The following NRDC variants were observed in gnomAD, a reference collection of about 807,000 sequenced individuals.
NRDC encodes nardilysin convertase, also known as nardilysin.
In NRDC, 54 loss-of-function variants were observed where a neutral mutation model predicts 147.1. The observed-to-expected ratio is 0.37, with a 90% CI of 0.29 to 0.46. The LOEUF is 0.46. NRDC is among the 20% of genes least tolerant of loss of function. NRDC has a pLI of 1.00. For missense variants in NRDC, 1,082 were observed against 1,370.6 expected (o/e 0.79, Z 3.33); for synonymous variants, 440 against 482.1 (o/e 0.91, Z 1.14).
At chr1:51,828,002 G>A in intron 4 of NRDC, 133 bp from the exon 5 acceptor site, 1 of 668,174 alleles carries the variant, frequency 1.5e-6, no homozygotes, top group South Asian at 2.0e-5. Context: ...TAAATAATCT[G>A]CATTTCTATA....
At chr1:51,822,346 C>A (rs1392692680) in intron 7 of NRDC, among the ~76,000 whole-genome samples, 1 of 152,044 alleles carries the variant, frequency 6.6e-6, no homozygotes, top group African/African-American at 2.4e-5. Flanking sequence ...TGCTAAAAAT[C>A]TAAATCCTAT....
At chr1:51,868,003 G>A (rs746852088) in intron 1 of NRDC, among the ~76,000 whole-genome samples, 1 of 152,210 alleles carries the variant, frequency 6.6e-6, no homozygotes, top group Non-Finnish European at 1.5e-5. Context: ...AGGATGGAAG[G>A]AGAACAATTG....
At chr1:51,849,372 G>A (rs1397491771) in intron 1 of NRDC, among the ~76,000 whole-genome samples, 3 of 151,658 alleles carry the variant, frequency 2.0e-5, no homozygotes, top group African/African-American at 4.8e-5. Context: ...CCGAGATCCC[G>A]CCACTGCACT....
chr1:51,836,392 G>A lies in NRDC; in HGVS notation c.631-180C>T, dbSNP rs745626795. ...ACCAGAACTGTGTCAGTTTCACCCT[G>A]CTGCTCCTCCGCTTGCCATCCTGCC... On this transcript the variant is annotated intron_variant, in intron 2 of 30. Transcript: ENST00000352171. 4.3e-6 allele frequency: 7 copies of A among 1,613,816 alleles called. No individual in the cohort carries two copies. In the South Asian group the frequency reaches 7.7e-5, roughly 18 times the overall value.
chr1:51,791,692 T>C lies in NRDC; in HGVS notation c.2877-31A>G, dbSNP rs1218218603. 4 of 1,536,058 alleles carry C rather than the reference T, an allele frequency of 2.6e-6. No individual in the cohort carries two copies. In the South Asian group the frequency reaches 3.4e-5, roughly 13 times the overall value. ...AGCCAGAGAGAAAAGTTATATGAGC[T>C]CAGGTGATCATCTGGGCCCTGGCCT... On this transcript the variant is annotated intron_variant, in intron 26 of 30. Coordinates refer to ENST00000352171, the MANE Select transcript of NRDC (RefSeq NM_001101662.2).
chr1:51,861,279 T>TTC lies in NRDC; in HGVS notation c.341+16995_341+16996insGA, dbSNP rs1317137471. 2.1e-4 allele frequency among the ~76,000 whole-genome samples: 31 copies of TTC among 149,528 alleles called. No homozygotes were observed. The East Asian group carries it at 3.3e-3, about 16-fold the overall frequency. ...AAGTGGTATTACTTTTTTTTTTTTT[T>TTC]TTTTTGAGACAGGGTCTCACTCTGC... is the stretch of plus-strand genomic sequence containing the variant. On this transcript the variant is annotated intron_variant, in intron 1 of 30. Coordinates refer to ENST00000352171, the MANE Select transcript of NRDC (RefSeq NM_001101662.2).
In NRDC at chr1:51,837,656, T is replaced by TA; in HGVS notation, c.631-1445dup. On this transcript the variant is annotated intron_variant, in intron 2 of 30. Transcript: ENST00000352171. The stretch of plus-strand genomic sequence containing the variant: ...AATTCATACTTGAGAATTTTCTACC[T>TA]AAAAAATTCAGACCTGAGAAATTCA... 3 of 1,459,400 alleles carry TA rather than the reference T, an allele frequency of 2.1e-6. No individual in the cohort carries two copies. In the South Asian group the frequency reaches 4.6e-5, roughly 22 times the overall value. 90.4% of individuals were successfully genotyped at this position (1,459,400 alleles called of 1,614,324 possible). A position where few individuals can be genotyped will look rare whatever the true frequency, so the allele number is the denominator to read the frequency against.
chr1:51,802,746 T>G (rs545562353), intron 20 of NRDC, among the ~76,000 whole-genome samples: 1 of 152,332 alleles, frequency 6.6e-6, no homozygotes, highest in African/African-American at 2.4e-5. Flanking sequence ...ACTCTTCTCT[T>G]GGGTTTTTGC....
At chr1:51,861,591 C>T (rs991787342) in intron 1 of NRDC, among the ~76,000 whole-genome samples, 2 of 151,992 alleles carry the variant, frequency 1.3e-5, no homozygotes, top group Admixed American at 6.6e-5. Flanking sequence ...GGCAATCCGC[C>T]CCCCTTGGCT....
chr1:51,853,627 G>A (rs1682093668), intron 1 of NRDC, among the ~76,000 whole-genome samples: 1 of 152,198 alleles, frequency 6.6e-6, no homozygotes, highest in Non-Finnish European at 1.5e-5. Context: ...GGAAACTTCA[G>A]CAGCAATAGC....
intron 21 of NRDC, 67 bp from the exon 22 acceptor site, chr1:51,798,478 A>C: frequency 7.3e-7 from 1 of 1,361,070 alleles, no homozygotes. Context: ...AGAATAAAGA[A>C]ATGTTTGGTC....
At chr1:51,810,167 CT>C (rs1370030750) in intron 16 of NRDC, 113 bp downstream of exon 16, 3 of 719,102 alleles carry the variant, frequency 4.2e-6, no homozygotes, top group Admixed American at 4.1e-5. Context: ...TCAAAGTGAA[CT>C]TTTTAAAAAA....
rs960108028 is a variant in NRDC, at chr1:51,805,740, A to G, written c.2111-179T>C. On this transcript the variant is annotated intron_variant, in intron 18 of 30. Transcript: ENST00000352171. ...AAGCAGTATTTACCATTCCAAATAA[A>G]GAGTTCCAAAAGGCACTCTTTAATC... Among the ~76,000 whole-genome samples, 25 of 152,178 alleles carry G rather than the reference A, an allele frequency of 1.6e-4. 1 individual carries two copies. Among genetic ancestry groups the G allele is most frequent in the Admixed American group, 1.1e-3 (17 of 15,268 alleles).
intron 1 of NRDC, among the ~76,000 whole-genome samples, chr1:51,852,365 TA>T (rs933672648): frequency 4.6e-5 from 7 of 151,606 alleles, no homozygotes; most frequent in African/African-American, 1.7e-4. Context: ...TTTGAAAGGA[TA>T]TTTTTTTAAG....
intron 4 of NRDC, among the ~76,000 whole-genome samples, chr1:51,830,651 C>T (rs1003678673): frequency 3.3e-5 from 5 of 152,176 alleles, no homozygotes; most frequent in Non-Finnish European, 7.3e-5. Context: ...TTTTGTATTC[C>T]CGCTTATAAT....
At chr1:51,856,630 C>T (rs565072232) in intron 1 of NRDC, among the ~76,000 whole-genome samples, 2 of 152,228 alleles carry the variant, frequency 1.3e-5, no homozygotes, top group Admixed American at 1.3e-4. Context: ...TGCAGGCCAC[C>T]CTCCAAGAAC....
Position 51,790,598 on chromosome 1 carries a change from C to T in NRDC, c.3103G>A (p.Glu1035Lys), listed in dbSNP as rs762078659. The T allele has an allele frequency of 6.2e-7, 1 of 1,613,772 alleles. No individual in the cohort carries two copies. The stretch of plus-strand genomic sequence containing the variant: ...ACTTCATTCCAGTTCCTATCCACCT[C>T]CTCCCCAAGGTGGGTATCCTCACAC... ...KECEDTHLGE[E>K]VDRNWNEVVT... Residue 1035 changes from glutamate to lysine, a missense_variant, in exon 29 of 31, where the codon GAG becomes AAG. Physicochemically the swap from Glu to Lys is moderately conservative, Grantham distance 56 (BLOSUM62 1). Coordinates refer to ENST00000352171, the MANE Select transcript of NRDC (RefSeq NM_001101662.2).
chr1:51,790,525 C>T lies in NRDC; in HGVS notation c.3168+8G>A. The T allele has an allele frequency of 6.3e-7, 1 of 1,585,510 alleles. No homozygotes were observed. Among genetic ancestry groups the T allele is most frequent in the East Asian group, 2.2e-5 (1 of 44,752 alleles). On this transcript the variant is annotated splice_region_variant and intron_variant, in intron 29 of 30. Transcript: ENST00000352171. ...GTTTGAGCTGTCTTACTCTGAAAAC[C>T]ATGTTACCTCGTGGGCAAGGCGGTC...
chr1:51,865,385 C>T (rs1682756159), intron 1 of NRDC, among the ~76,000 whole-genome samples: 1 of 151,276 alleles, frequency 6.6e-6, no homozygotes, highest in Admixed American at 6.6e-5. Context: ...GCTCATGCAA[C>T]CTCCGCCTCC....
Sources: gnomAD v4.1 joint callset for allele counts (sites outside exome capture counted in the v4.1 genomes callset) on GRCh38, gnomAD v4.1.1 for gene constraint, MANE v1.5 for transcripts, NCBI Gene and HGNC (gene_info 2026-07-23, HGNC 2026-07-21) for gene names.